The following ZNF723 variants were observed in gnomAD, a reference collection of about 807,000 sequenced individuals.
The protein encoded by ZNF723 is zinc finger protein 723, pseudogene.
Under a neutral mutation model 9.4 loss-of-function variants are expected in ZNF723, and 5 were observed. The observed-to-expected ratio is 0.53, with a 90% CI of 0.28 to 1.12. The LOEUF (loss-of-function observed/expected upper bound fraction) is 1.12, where lower values mean the gene tolerates loss of function less well. ZNF723 is among the 50% of genes most tolerant of loss of function. The pLI, the probability that ZNF723 is intolerant of heterozygous loss-of-function variation, is 0.10. For synonymous variants in ZNF723, 158 were observed against 168.8 expected, an observed-to-expected ratio of 0.94 and a Z score of 0.49; for missense variants, 450 against 501.5, an observed-to-expected ratio of 0.90 and a Z score of 0.98.
At chr19:22,836,833 A>G (rs1316224002) in intron 1 of ZNF723, among the ~76,000 whole-genome samples, 1 of 152,178 alleles carries the variant, frequency 6.6e-6, no homozygotes, top group East Asian at 1.9e-4. Context: ...TACCAGGATT[A>G]TCTTTATGCT....
chr19:22,828,214 A>T (rs1049409141), upstream of ZNF723, among the ~76,000 whole-genome samples: 1 of 152,244 alleles, frequency 6.6e-6, no homozygotes, highest in Non-Finnish European at 1.5e-5. Flanking sequence ...ACTCAAAGAC[A>T]TATGTGACTA....
chr19:22,851,676 A>G (rs1008818412), intron 3 of ZNF723, among the ~76,000 whole-genome samples: 5 of 152,042 alleles, frequency 3.3e-5, no homozygotes, highest in African/African-American at 1.2e-4. Flanking sequence ...ACCATGTAGC[A>G]TTTGTTATAG....
At chr19:22,812,534 A>G in the ZNF723 span, among the ~76,000 whole-genome samples, 1 of 152,150 alleles carries the variant, frequency 6.6e-6, no homozygotes, top group Non-Finnish European at 1.5e-5. Context: ...CACAGGTACA[A>G]TCATGGGTCC....
the ZNF723 span, among the ~76,000 whole-genome samples, chr19:22,821,565 C>T: frequency 6.6e-6 from 1 of 152,154 alleles, no homozygotes; most frequent in South Asian, 2.1e-4. Context: ...ACTTTACTGC[C>T]ACAGCCCTGC....
At chr19:22,828,087 AT>A (rs980120225), upstream of ZNF723, among the ~76,000 whole-genome samples, 4 of 152,112 alleles carry the variant, frequency 2.6e-5, no homozygotes, top group East Asian at 3.9e-4. Flanking sequence ...TCTAAAAAAA[AT>A]AAATGAATAA....
intron 3 of ZNF723, among the ~76,000 whole-genome samples, chr19:22,856,313 T>G (rs1468680705): frequency 6.6e-6 from 1 of 152,184 alleles, no homozygotes; most frequent in Non-Finnish European, 1.5e-5. Context: ...AATTTCTGTT[T>G]TTTTGATATT....
chr19:22,856,145 G>A (rs142145290), intron 3 of ZNF723, among the ~76,000 whole-genome samples: 2,071 of 152,216 alleles, frequency 0.014, 47 homozygotes, highest in African/African-American at 0.048. Flanking sequence ...ATTTTTAGTA[G>A]AGATGAGGTT....
Position 22,858,575 on chromosome 19 carries a change from C to T in ZNF723, c.*142C>T. ...CTGAGGTCAGGAGTTCGAGACCAAC[C>T]TAACATGGTGAAACAACGTCTCTAC... is the stretch of plus-strand genomic sequence containing the variant. On this transcript the variant is annotated 3_prime_UTR_variant, in exon 4 of 4. Coordinates refer to ENST00000600766, the MANE Select transcript of ZNF723 (RefSeq NM_001349726.2). 2.0e-6 allele frequency: 1 copy of T among 509,532 alleles called. No homozygotes were observed. Among genetic ancestry groups the T allele is most frequent in the Admixed American group, 3.6e-5 (1 of 27,744 alleles). 31.6% of individuals were successfully genotyped at this position (509,532 alleles called of 1,614,324 possible).
At chr19:22,816,369 C>T in the ZNF723 span, among the ~76,000 whole-genome samples, 1 of 152,202 alleles carries the variant, frequency 6.6e-6, no homozygotes, top group East Asian at 1.9e-4. Flanking sequence ...TGGTGACTCT[C>T]AGACCAAGAT....
At chr19:22,828,420 CGGGGCGGGCA>C (rs1404845351), upstream of ZNF723, among the ~76,000 whole-genome samples, 2 of 152,058 alleles carry the variant, frequency 1.3e-5, no homozygotes, top group East Asian at 3.9e-4. Flanking sequence ...TTTGGGACGC[CGGGGCGGGCA>C]GATCACAAGG....
upstream of ZNF723, among the ~76,000 whole-genome samples, chr19:22,829,362 TACA>T (rs999924055): frequency 5.3e-5 from 8 of 151,632 alleles, no homozygotes; most frequent in Admixed American, 2.0e-4. Flanking sequence ...TTCCGTGCAC[TACA>T]ACATCTGCCT....
chr19:22,837,135 A>G (rs1967176893), intron 1 of ZNF723, among the ~76,000 whole-genome samples: 1 of 152,100 alleles, frequency 6.6e-6, no homozygotes, highest in African/African-American at 2.4e-5. Flanking sequence ...TCTACTAAAA[A>G]TACAAAAATT....
At chr19:22,815,127 T>G in the ZNF723 span, among the ~76,000 whole-genome samples, 2 of 152,202 alleles carry the variant, frequency 1.3e-5, no homozygotes, top group Admixed American at 1.3e-4. Flanking sequence ...TTCTGACATA[T>G]CACTGGGCCC....
intron 1 of ZNF723, among the ~76,000 whole-genome samples, chr19:22,836,388 A>C (rs976623135): frequency 2.6e-5 from 4 of 152,202 alleles, no homozygotes; most frequent in African/African-American, 9.6e-5. Flanking sequence ...TGTAAAAAAA[A>C]ATTAAATTCT....
chr19:22,815,147 G>A, the ZNF723 span, among the ~76,000 whole-genome samples: 1 of 152,024 alleles, frequency 6.6e-6, no homozygotes, highest in Non-Finnish European at 1.5e-5. Flanking sequence ...CAGAATCTAG[G>A]TTATGCTACT....
chr19:22,848,768 T>C (rs1298725217), intron 2 of ZNF723, among the ~76,000 whole-genome samples: 1 of 147,812 alleles, frequency 6.8e-6, no homozygotes, highest in African/African-American at 2.6e-5. Flanking sequence ...TTTATTTATT[T>C]ATTTATGAGA....
upstream of ZNF723, among the ~76,000 whole-genome samples, chr19:22,829,237 A>C (rs199596860): frequency 6.3e-3 from 952 of 152,068 alleles, 13 homozygotes; most frequent in African/African-American, 0.018. Context: ...TTAAAAAAAA[A>C]AAAAACACAG....
the ZNF723 span, among the ~76,000 whole-genome samples, chr19:22,813,920 T>C: frequency 6.6e-6 from 1 of 151,628 alleles, no homozygotes; most frequent in African/African-American, 2.4e-5. Context: ...CAAGCGATTC[T>C]CCTACCTCAG....
upstream of ZNF723, among the ~76,000 whole-genome samples, chr19:22,828,182 CTT>C (rs1967057447): frequency 6.6e-6 from 1 of 152,174 alleles, no homozygotes; most frequent in African/African-American, 2.4e-5. Flanking sequence ...TAAATAGTCT[CTT>C]GTTGACTGGC....
Sources: gnomAD v4.1 joint callset for allele counts (sites outside exome capture counted in the v4.1 genomes callset) on GRCh38, gnomAD v4.1.1 for gene constraint, MANE v1.5 for transcripts, NCBI Gene and HGNC (gene_info 2026-07-23, HGNC 2026-07-21) for gene names.